TIMELESS: variants seen among roughly 807,000 people sequenced by gnomAD.
TIMELESS encodes the protein timeless circadian regulator.
In TIMELESS, 124 loss-of-function variants were observed where a neutral mutation model predicts 164.3. The ratio of observed to expected loss-of-function variants is 0.75; its 90% CI spans 0.65 to 0.88. The LOEUF is 0.88. Among genes scored for constraint, TIMELESS ranks in the 40% least tolerant of loss-of-function variants. The pLI is 0.00. For synonymous variants in TIMELESS, 564 were observed against 563.4 expected (o/e 1.00, Z -0.02); for missense variants, 1,422 against 1,491.4 (o/e 0.95, Z 0.77).
chr12:56,423,251 C>T (rs748967799), intron 18 of TIMELESS, 23 bp downstream of exon 18: 1 of 1,613,282 alleles, frequency 6.2e-7, no homozygotes, highest in Admixed American at 1.7e-5. Flanking sequence ...CTTCCAGAAC[C>T]CCATTCCTTG....
chr12:56,432,827 T>C (rs1191585391), intron 6 of TIMELESS, among the ~76,000 whole-genome samples, 199 bp downstream of exon 6: 1 of 151,472 alleles, frequency 6.6e-6, no homozygotes, highest in Non-Finnish European at 1.5e-5. Flanking sequence ...CGGGCACCTG[T>C]AGTCCCAGCT....
chr12:56,434,595 G>A, intron 1 of TIMELESS, among the ~76,000 whole-genome samples: 1 of 152,110 alleles, frequency 6.6e-6, no homozygotes, highest in East Asian at 1.9e-4. Context: ...AAATTAGCCG[G>A]GCGTGGTGGC....
rs1473074484 is a variant in TIMELESS at position 56,420,048 on chromosome 12, A to ATATATATATATATGTG, written c.3228+520_3228+521insCACATATATATATATA. On this transcript the variant is annotated intron_variant, in intron 26 of 28. Transcript: ENST00000553532. The stretch of plus-strand genomic sequence containing the variant: ...AAAAAAAATATATATATATATATAT[A>ATATATATATATATGTG]TGTGTGTGTGTGTGTGTGTGTGTAT... Among the ~76,000 whole-genome samples, 7 of 87,334 alleles carry ATATATATATATATGTG rather than the reference A, an allele frequency of 8.0e-5. No individual in the cohort carries two copies. The South Asian group carries it at 1.7e-3, about 21-fold the overall frequency. 57.3% of individuals were successfully genotyped at this position (87,334 alleles called of 152,430 possible).
At position 56,433,327 on chromosome 12, in the gene TIMELESS, G is replaced by A; in HGVS notation, c.429+54C>T. The stretch of plus-strand genomic sequence containing the variant: ...ATCTCAGCATCTCCTCCTCTGCCCG[G>A]AGAAGGTGCAAAATGCTGTCCCATG... On this transcript the variant is annotated intron_variant, in intron 5 of 28. Transcript: ENST00000553532. 2.5e-6 allele frequency: 4 copies of A among 1,594,166 alleles called. No homozygotes were observed. In the African/African-American group the frequency reaches 4.0e-5, roughly 16 times the overall value.
Position 56,423,270 on chromosome 12 carries a change from T to C in TIMELESS, c.2292+4A>G, listed in dbSNP as rs2136134745. On this transcript the variant is annotated splice_donor_region_variant and intron_variant, in intron 18 of 28. Transcript: ENST00000553532. ...CAGAACCCCATTCCTTGTTATCCCC[T>C]CACTTTGTAGGCTCCAGCAGCAGGG... 2 of 1,613,984 alleles carry C rather than the reference T, an allele frequency of 1.2e-6. No homozygotes were observed. The highest frequency in any genetic ancestry group is 1.7e-6 in the Non-Finnish European group (2 of 1,179,988).
In TIMELESS at chr12:56,428,531, A is replaced by C. The variant is rs199547493; in HGVS notation, c.1408+18T>G. 6.2e-7 allele frequency: 1 copy of C among 1,612,008 alleles called. No homozygotes were observed. The highest frequency in any genetic ancestry group is 8.5e-7 in the Non-Finnish European group (1 of 1,178,162). On this transcript the variant is annotated intron_variant, in intron 12 of 28. Transcript: ENST00000553532. ...GAGATGGGACAGGCTGGGATCGGGG[A>C]CCAGGCCAGGGCCTCACTCTTGATG...
At position 56,423,510 on chromosome 12, in the gene TIMELESS, T is replaced by C. The variant is rs752489757; in HGVS notation, c.2091-35A>G. 1.2e-5 allele frequency: 20 copies of C among 1,613,590 alleles called. 1 individual carries two copies. In the South Asian group the frequency reaches 2.1e-4, roughly 17 times the overall value. On this transcript the variant is annotated intron_variant, in intron 17 of 28. Transcript: ENST00000553532. Reference sequence around the variant, plus strand: ...AACAAGGAGGGAGAGGATGTCAGCATAAGGAAGACATAGCTCATCCTCACA... The same window carrying C: ...AACAAGGAGGGAGAGGATGTCAGCACAAGGAAGACATAGCTCATCCTCACA...
intron 1 of TIMELESS, among the ~76,000 whole-genome samples, chr12:56,446,348 C>T (rs1284674772): frequency 6.6e-6 from 1 of 152,186 alleles, no homozygotes; most frequent in Admixed American, 6.5e-5. Context: ...ATTTGTCTTT[C>T]CCTTTGGTAC....
chr12:56,431,103 C>T (rs371715327), intron 8 of TIMELESS, 135 bp from the exon 9 acceptor site: 5 of 571,110 alleles, frequency 8.8e-6, no homozygotes, highest in African/African-American at 7.8e-5. Flanking sequence ...CCTATAATCC[C>T]AGCACTTTGG....
chr12:56,418,099 C>T (rs377260473), intron 27 of TIMELESS, 35 bp downstream of exon 27: 60 of 1,612,950 alleles, frequency 3.7e-5, no homozygotes, highest in Non-Finnish European at 4.9e-5. Flanking sequence ...ATGGCTGACA[C>T]GTTAATACTC....
chr12:56,443,255 TTAA>T (rs1268736953), intron 1 of TIMELESS, among the ~76,000 whole-genome samples: 9 of 152,122 alleles, frequency 5.9e-5, no homozygotes, highest in African/African-American at 2.2e-4. Context: ...GCAAGGAATA[TTAA>T]TAATTGATAA....
chr12:56,445,568 G>A (rs1257619851), intron 1 of TIMELESS, among the ~76,000 whole-genome samples: 1 of 145,916 alleles, frequency 6.9e-6, no homozygotes, highest in African/African-American at 2.6e-5. Flanking sequence ...GAGAAACCCT[G>A]TCTCTACTAA....
At position 56,443,084 on chromosome 12, in the gene TIMELESS, C is replaced by T. The variant is rs530892117; in HGVS notation, c.-62+6226G>A. Among the ~76,000 whole-genome samples the T allele has an allele frequency of 2.6e-5, 4 of 152,198 alleles. No homozygotes were observed. In the South Asian group the frequency reaches 8.3e-4, roughly 32 times the overall value. The stretch of plus-strand genomic sequence containing the variant: ...TTGAACAATATGAAATCAGGGCACC[C>T]TGAGAAAGAACAGAACAACAGCGAT... On this transcript the variant is annotated intron_variant, in intron 1 of 28. Transcript: ENST00000553532.
At position 56,421,780 on chromosome 12, in the gene TIMELESS, C is replaced by T. The variant is rs369692843; in HGVS notation, c.2672G>A (p.Gly891Glu). The T allele has an allele frequency of 1.5e-5, 24 of 1,614,074 alleles. No individual in the cohort carries two copies. Among genetic ancestry groups the T allele is most frequent in the African/African-American group, 1.1e-4 (8 of 74,910 alleles). Residue 891 changes from glycine (G) to glutamate (E), a missense_variant, in exon 22 of 29, where the codon GGG (glycine) becomes GAG (glutamate). Physicochemically the swap from Gly to Glu is moderately conservative, Grantham distance 98. Coordinates refer to ENST00000553532, the MANE Select transcript of TIMELESS (RefSeq NM_003920.5). ...RKGTHIVLWT[G>E]DQELELQRLF... ...CCGCTGCAGCTCCAACTCCTGATCC[C>T]CCGTCCACAGTACAATATGGGTTCC...
chr12:56,417,685 GTCTATC>G lies in TIMELESS; in HGVS notation c.*25_*30del. ...ACTTGAATGCACCATCTAAAAACGT[GTCTATC>G]TCTACCCCTAGGCTTCTTAGCTCTT... is the stretch of plus-strand genomic sequence containing the variant. On this transcript the variant is annotated 3_prime_UTR_variant, in exon 29 of 29. Coordinates refer to ENST00000553532, the MANE Select transcript of TIMELESS (RefSeq NM_003920.5). 1 of 1,611,098 alleles carries G rather than the reference GTCTATC, an allele frequency of 6.2e-7. No individual in the cohort carries two copies. The highest frequency in any genetic ancestry group is 8.5e-7 in the Non-Finnish European group (1 of 1,177,340).
chr12:56,424,535 GT>G (rs1185606254), intron 15 of TIMELESS, among the ~76,000 whole-genome samples: 1 of 152,164 alleles, frequency 6.6e-6, no homozygotes, highest in African/African-American at 2.4e-5. Flanking sequence ...ATGATGTCAA[GT>G]GAGGATTTGC....
At chr12:56,430,796 G>T in intron 9 of TIMELESS, 85 bp downstream of exon 9, 1 of 900,796 alleles carries the variant, frequency 1.1e-6, no homozygotes, top group Non-Finnish European at 1.7e-6. Context: ...GAGCCACCAG[G>T]CACAGCCAAG....
chr12:56,449,180 G>C (rs1868478403), intron 1 of TIMELESS, 130 bp downstream of exon 1: 1 of 152,386 alleles, frequency 6.6e-6, no homozygotes, highest in Non-Finnish European at 1.5e-5. Flanking sequence ...CGCGCCTGCA[G>C]CACGAGCCCC....
At chr12:56,423,200 A>C in intron 18 of TIMELESS, 74 bp downstream of exon 18, 1 of 1,553,868 alleles carries the variant, frequency 6.4e-7, no homozygotes, top group Non-Finnish European at 8.8e-7. Flanking sequence ...AGCACCTTCT[A>C]TCTCCTGAAG....
Sources: allele counts gnomAD v4.1 joint callset (sites outside exome capture counted in the v4.1 genomes callset), GRCh38; gene constraint gnomAD v4.1.1; transcripts MANE v1.5; gene names NCBI Gene and HGNC (gene_info 2026-07-23, HGNC 2026-07-21).